Variants in IL13RA1 observed in about 807,000 individuals in gnomAD.
IL13RA1 encodes interleukin 13 receptor subunit alpha 1.
In IL13RA1, 14 loss-of-function variants were observed where a neutral mutation model predicts 33.8. The ratio of observed to expected loss-of-function variants is 0.41; its 90% CI spans 0.27 to 0.65. The LOEUF is 0.65. IL13RA1 is among the 30% of genes least tolerant of loss of function. The pLI, the probability that IL13RA1 is intolerant of heterozygous loss-of-function variation, is 0.28. For missense variants in IL13RA1, 313 were observed against 327.0 expected (o/e 0.96, Z 0.33); for synonymous variants, 116 against 115.7 (o/e 1.00, Z -0.02).
At chrX:118,784,236 GAA>G (rs947855830) in intron 10 of IL13RA1, among the ~76,000 whole-genome samples, 2 of 102,851 alleles carry the variant, frequency 1.9e-5, no homozygotes, top group African/African-American at 3.6e-5. Flanking sequence ...AGTCAAGAGA[GAA>G]AGACAAAATC....
At chrX:118,730,535 T>A (rs1044547564) in intron 1 of IL13RA1, among the ~76,000 whole-genome samples, 9 of 110,699 alleles carry the variant, frequency 8.1e-5, no homozygotes, top group Non-Finnish European at 1.7e-4. Flanking sequence ...AGGGCAAGAG[T>A]GCTCCTTTGT....
chrX:118,758,273 G>A, intron 5 of IL13RA1, 31 bp downstream of exon 5: 1 of 616,032 alleles, frequency 1.6e-6, no homozygotes, highest in Non-Finnish European at 2.5e-6. Flanking sequence ...AAAACAGTAT[G>A]GATAAAAAGT....
At chrX:118,767,484 T>C (rs1180589048) in intron 8 of IL13RA1, among the ~76,000 whole-genome samples, 1 of 110,273 alleles carries the variant, frequency 9.1e-6, no homozygotes, top group Non-Finnish European at 1.9e-5. Flanking sequence ...GAGGTTACAG[T>C]GAGCTGAGAT....
chrX:118,781,046 A>G (rs996782655), intron 10 of IL13RA1, among the ~76,000 whole-genome samples: 2 of 111,636 alleles, frequency 1.8e-5, no homozygotes, highest in African/African-American at 6.5e-5. Flanking sequence ...TTTGTTCATT[A>G]CTATAGTAAT....
chrX:118,790,987 G>T (rs2017968795), intron 10 of IL13RA1, among the ~76,000 whole-genome samples: 1 of 112,038 alleles, frequency 8.9e-6, no homozygotes. Context: ...TAACATGAAT[G>T]CAGGTGAAGG....
chrX:118,747,180 A>T (rs1475282688), intron 3 of IL13RA1, 88 bp downstream of exon 3: 9 of 564,892 alleles, frequency 1.6e-5, no homozygotes, highest in African/African-American at 2.3e-5. Flanking sequence ...AATTAATTCA[A>T]TTCTCAAACA....
chrX:118,796,482 G>C (rs759957059), downstream of IL13RA1, among the ~76,000 whole-genome samples: 3 of 112,708 alleles, frequency 2.7e-5, no homozygotes, highest in Admixed American at 1.9e-4. Context: ...TCAACTGGAA[G>C]ATTTCTGATT....
chrX:118,797,964 G>C (rs1249635466), downstream of IL13RA1, among the ~76,000 whole-genome samples: 1 of 111,943 alleles, frequency 8.9e-6, no homozygotes, highest in Non-Finnish European at 1.9e-5. Flanking sequence ...CACTGTGCTG[G>C]ACTTCTGACC....
chrX:118,778,221 G>C (rs1273546361), intron 10 of IL13RA1, among the ~76,000 whole-genome samples: 1 of 111,681 alleles, frequency 9.0e-6, no homozygotes, highest in African/African-American at 3.3e-5. Flanking sequence ...AATAATTATT[G>C]TAATAATGGG....
intron 1 of IL13RA1, among the ~76,000 whole-genome samples, chrX:118,737,810 G>T (rs896950161): frequency 8.9e-6 from 1 of 111,778 alleles, no homozygotes; most frequent in African/African-American, 3.3e-5. Context: ...TTGTGTGGGA[G>T]TGGGAGGTAG....
At chrX:118,801,400 C>A in the IL13RA1 span, among the ~76,000 whole-genome samples, 4 of 112,241 alleles carry the variant, frequency 3.6e-5, no homozygotes, top group East Asian at 2.8e-4. Flanking sequence ...AATCTAAAAT[C>A]TCATGCTTCA....
chrX:118,760,612 A>G (rs190757173), intron 5 of IL13RA1, among the ~76,000 whole-genome samples: 1 of 112,692 alleles, frequency 8.9e-6, no homozygotes. Context: ...AATTCATTTT[A>G]CTAGGCAGTT....
At chrX:118,727,774 G>A in intron 1 of IL13RA1, 48 bp downstream of exon 1, 1 of 614,365 alleles carries the variant, frequency 1.6e-6, no homozygotes, top group Non-Finnish European at 2.1e-6. Context: ...GGCTGAGGGC[G>A]GTGAGGGTCA....
chrX:118,795,120 G>C (rs1292743668), downstream of IL13RA1, among the ~76,000 whole-genome samples: 1 of 106,083 alleles, frequency 9.4e-6, no homozygotes, highest in African/African-American at 3.5e-5. Context: ...CTACTCAGGA[G>C]GCTGAGGCAG....
At chrX:118,803,030 G>T in the IL13RA1 span, among the ~76,000 whole-genome samples, 3 of 112,110 alleles carry the variant, frequency 2.7e-5, no homozygotes, top group Admixed American at 9.4e-5. Context: ...TGTCCACTCT[G>T]GCAAGAGTCC....
downstream of IL13RA1, among the ~76,000 whole-genome samples, chrX:118,797,447 T>G (rs1434184159): frequency 9.0e-6 from 1 of 111,620 alleles, no homozygotes; most frequent in Non-Finnish European, 1.9e-5. Flanking sequence ...CTAACAAATA[T>G]TTCTTAATAT....
chrX:118,797,028 C>T (rs1569460922), downstream of IL13RA1, among the ~76,000 whole-genome samples: 1 of 112,095 alleles, frequency 8.9e-6, no homozygotes, highest in African/African-American at 3.2e-5. Flanking sequence ...GGGCAGATAA[C>T]TTTCTCTGTC....
intron 10 of IL13RA1, among the ~76,000 whole-genome samples, chrX:118,785,196 C>T (rs1184584455): frequency 9.0e-6 from 1 of 111,045 alleles, no homozygotes; most frequent in Admixed American, 9.6e-5. Flanking sequence ...CATCTGGGCT[C>T]AAGTGATCCT....
the IL13RA1 span, among the ~76,000 whole-genome samples, chrX:118,801,410 A>AT: frequency 7.1e-5 from 8 of 112,098 alleles, no homozygotes; most frequent in African/African-American, 2.6e-4. Context: ...CTCATGCTTC[A>AT]TTTTTAAGAC....
Sources: gnomAD v4.1 joint callset for allele counts (sites outside exome capture counted in the v4.1 genomes callset) on GRCh38, gnomAD v4.1.1 for gene constraint, MANE v1.5 for transcripts, NCBI Gene and HGNC (gene_info 2026-07-23, HGNC 2026-07-21) for gene names.